Variants in TMEM132B observed in about 807,000 individuals in gnomAD.
The protein encoded by TMEM132B is transmembrane protein 132B.
In TMEM132B, 18 loss-of-function variants were observed where a neutral mutation model predicts 90.8. The observed-to-expected ratio is 0.20, with a 90% CI of 0.14 to 0.29. TMEM132B has a LOEUF of 0.29. Ranked by LOEUF, TMEM132B falls within the 10% of genes least tolerant of loss-of-function variation. The pLI, the probability that TMEM132B is intolerant of heterozygous loss-of-function variation, is 1.00. For missense variants in TMEM132B, 1,096 were observed against 1,326.8 expected, an observed-to-expected ratio of 0.83 and a Z score of 2.70; for synonymous variants, 504 against 523.3, an observed-to-expected ratio of 0.96 and a Z score of 0.50.
intron 3 of TMEM132B, among the ~76,000 whole-genome samples, chr12:125,510,215 T>C (rs1472551200): frequency 6.6e-6 from 1 of 152,148 alleles, no homozygotes; most frequent in Non-Finnish European, 1.5e-5. Context: ...GTGTGAGAAA[T>C]TGTCATGGGT....
intron 5 of TMEM132B, among the ~76,000 whole-genome samples, chr12:125,612,294 T>G (rs1391708390): frequency 2.6e-5 from 4 of 151,750 alleles, no homozygotes; most frequent in Non-Finnish European, 5.9e-5. Flanking sequence ...ACCAACTTGG[T>G]GAAACCCTGC....
chr12:125,451,498 G>A (rs1881150494), intron 3 of TMEM132B, among the ~76,000 whole-genome samples: 1 of 152,130 alleles, frequency 6.6e-6, no homozygotes, highest in Admixed American at 6.5e-5. Context: ...ATGAATCTGG[G>A]TATTCTTGGT....
chr12:125,347,540 T>C (rs1390325015), intron 1 of TMEM132B, among the ~76,000 whole-genome samples: 3 of 152,166 alleles, frequency 2.0e-5, no homozygotes, highest in African/African-American at 4.8e-5. Context: ...CAATAGAAGC[T>C]ATATTTTGCA....
At chr12:125,550,922 C>T (rs1019165700) in intron 4 of TMEM132B, among the ~76,000 whole-genome samples, 2 of 152,148 alleles carry the variant, frequency 1.3e-5, no homozygotes, top group Non-Finnish European at 2.9e-5. Flanking sequence ...AAGTGATTCT[C>T]CCCCCTCAGC....
At chr12:125,298,307 G>A (rs1276127858) in intron 1 of TMEM132B, among the ~76,000 whole-genome samples, 1 of 151,604 alleles carries the variant, frequency 6.6e-6, no homozygotes, top group African/African-American at 2.4e-5. Context: ...CCATTGACCA[G>A]TCCATCTCCC....
chr12:125,619,421 C>T (rs1886068806), intron 5 of TMEM132B, among the ~76,000 whole-genome samples: 1 of 151,788 alleles, frequency 6.6e-6, no homozygotes, highest in African/African-American at 2.4e-5. Flanking sequence ...CTGGCATGCA[C>T]TGACACGATC....
rs374483702 is a variant in TMEM132B at position 125,194,468 on chromosome 12, G to A, written c.67+7602G>A. On this transcript the variant is annotated intron_variant, in intron 1 of 8. Coordinates refer to ENST00000682704, the MANE Select transcript of TMEM132B (RefSeq NM_001366854.1). ...CCGGCACTCCTGGGGTGACTCCCCC[G>A]GGCCTTCCAAGGGGTCTTGGCTTTG... Among the ~76,000 whole-genome samples the A allele has an allele frequency of 1.4e-4, 21 of 152,296 alleles. No homozygotes were observed. The South Asian group carries it at 2.9e-3, about 21-fold the overall frequency.
At position 125,378,250 on chromosome 12, in the gene TMEM132B, G is replaced by A. The variant is rs138487154; in HGVS notation, c.959+27907G>A. 1.3e-3 allele frequency among the ~76,000 whole-genome samples: 200 copies of A among 152,252 alleles called. 1 individual carries two copies. The highest frequency in any genetic ancestry group is 4.7e-3 in the African/African-American group (195 of 41,532). On this transcript the variant is annotated intron_variant, in intron 2 of 8. Transcript: ENST00000682704. ...TGTCACTAATTCCAGGAAACTGTGTGGTATCATGGAAAAAGCATGAACAAT... is the reference window on the plus strand; with the variant it reads ...TGTCACTAATTCCAGGAAACTGTGTAGTATCATGGAAAAAGCATGAACAAT...
At position 125,195,403 on chromosome 12, in the gene TMEM132B, T is replaced by G. The variant is rs530026417; in HGVS notation, c.67+8537T>G. ...GGAGGAGGGTTTGCGGGTTTTTTTT[T>G]TTTTTTTTTTTTGAGATGGAGTTTT... On this transcript the variant is annotated intron_variant, in intron 1 of 8. Coordinates refer to ENST00000682704, the MANE Select transcript of TMEM132B (RefSeq NM_001366854.1). Among the ~76,000 whole-genome samples the G allele has an allele frequency of 6.6e-4, 95 of 143,864 alleles. No homozygotes were observed. The East Asian group carries it at 0.012, about 18-fold the overall frequency. 94.4% of individuals were successfully genotyped at this position (143,864 alleles called of 152,430 possible). A position where few individuals can be genotyped will look rare whatever the true frequency, so the allele number is the denominator to read the frequency against.
chr12:125,428,004 T>C (rs1034393781), intron 3 of TMEM132B, among the ~76,000 whole-genome samples: 1 of 152,086 alleles, frequency 6.6e-6, no homozygotes, highest in African/African-American at 2.4e-5. Context: ...GTACTTTTTT[T>C]TTTTTTTCTG....
intron 1 of TMEM132B, among the ~76,000 whole-genome samples, chr12:125,255,610 C>A (rs75516943): frequency 2.6e-5 from 4 of 152,200 alleles, no homozygotes; most frequent in Admixed American, 6.5e-5. Flanking sequence ...GTCCACCTAG[C>A]GCACCTGCTT....
chr12:125,384,318 T>C (rs1278178058), intron 2 of TMEM132B, among the ~76,000 whole-genome samples: 1 of 152,236 alleles, frequency 6.6e-6, no homozygotes, highest in Non-Finnish European at 1.5e-5. Flanking sequence ...TTTTCTCATG[T>C]ACCCTTAGGG....
chr12:125,330,565 T>C (rs1171998709), intron 1 of TMEM132B, among the ~76,000 whole-genome samples: 1 of 152,162 alleles, frequency 6.6e-6, no homozygotes, highest in Admixed American at 6.5e-5. Context: ...ATCTATAAAC[T>C]ATCATTTTTT....
At chr12:125,278,801 G>A (rs1243829557) in intron 1 of TMEM132B, among the ~76,000 whole-genome samples, 2 of 152,202 alleles carry the variant, frequency 1.3e-5, no homozygotes, top group Non-Finnish European at 2.9e-5. Context: ...GAAAAGAATT[G>A]TTTTGGTTGT....
At chr12:125,523,139 A>C (rs1198489690) in intron 4 of TMEM132B, among the ~76,000 whole-genome samples, 3 of 152,322 alleles carry the variant, frequency 2.0e-5, no homozygotes, top group South Asian at 4.1e-4. Flanking sequence ...CTTGCTTGCC[A>C]TATTATTAAT....
chr12:125,296,282 C>T (rs927474603), intron 1 of TMEM132B, among the ~76,000 whole-genome samples: 3 of 152,242 alleles, frequency 2.0e-5, no homozygotes, highest in Non-Finnish European at 4.4e-5. Context: ...TTCCCACCCA[C>T]CGGGCACCTC....
chr12:125,188,868 A>AAAG (rs1555230834), intron 1 of TMEM132B, among the ~76,000 whole-genome samples: 4 of 151,338 alleles, frequency 2.6e-5, no homozygotes, highest in African/African-American at 7.3e-5. Context: ...AAAAAAAAAA[A>AAAG]AAAAAGAAAA....
At chr12:125,471,072 G>A (rs948300848) in intron 3 of TMEM132B, among the ~76,000 whole-genome samples, 24 of 152,380 alleles carry the variant, frequency 1.6e-4, no homozygotes, top group African/African-American at 5.5e-4. Flanking sequence ...CTCAGCAACT[G>A]TGTTGATGTC....
chr12:125,270,005 G>A (rs1383824680), intron 1 of TMEM132B, among the ~76,000 whole-genome samples: 1 of 151,700 alleles, frequency 6.6e-6, no homozygotes, highest in Non-Finnish European at 1.5e-5. Context: ...CTCTAGTCTG[G>A]GCAGTAGAAC....
Sources: gnomAD v4.1 joint callset for allele counts (sites outside exome capture counted in the v4.1 genomes callset) on GRCh38, gnomAD v4.1.1 for gene constraint, MANE v1.5 for transcripts, NCBI Gene and HGNC (gene_info 2026-07-23, HGNC 2026-07-21) for gene names.